The following RYR3 variants were observed in gnomAD, a reference collection of about 807,000 sequenced individuals.
RYR3 encodes the protein ryanodine receptor 3.
Under a neutral mutation model 584.3 loss-of-function variants are expected in RYR3, and 207 were observed. That is an observed-to-expected ratio of 0.35 (90% CI 0.32 to 0.40). The LOEUF is 0.40. RYR3 is among the 10% of genes least tolerant of loss of function. RYR3 has a pLI of 1.00. For missense variants in RYR3, 5,616 were observed against 6,089.2 expected (o/e 0.92, Z 2.59); for synonymous variants, 2,416 against 2,248.5 (o/e 1.07, Z -2.11).
chr15:33,732,763 A>T (rs1254490086), intron 48 of RYR3, among the ~76,000 whole-genome samples: 1 of 152,212 alleles, frequency 6.6e-6, no homozygotes, highest in Non-Finnish European at 1.5e-5. Flanking sequence ...ACTGTTAGGG[A>T]TGGGACCCAA....
At chr15:33,345,873 A>G (rs939277435) in intron 1 of RYR3, among the ~76,000 whole-genome samples, 1 of 152,218 alleles carries the variant, frequency 6.6e-6, no homozygotes, top group Non-Finnish European at 1.5e-5. Flanking sequence ...CACCCAGTAA[A>G]GCGGTTTGGC....
chr15:33,503,512 C>A, intron 2 of RYR3, 119 bp from the exon 3 acceptor site: 1 of 630,980 alleles, frequency 1.6e-6, no homozygotes. Flanking sequence ...TTTTTGCATT[C>A]CTATTCATCC....
chr15:33,438,142 T>G (rs2045897187), intron 1 of RYR3, among the ~76,000 whole-genome samples: 2 of 152,180 alleles, frequency 1.3e-5, no homozygotes, highest in Admixed American at 6.5e-5. Context: ...AGTCATTACC[T>G]CACATACTTT....
chr15:33,425,793 C>T lies in RYR3; in HGVS notation c.52-47626C>T, dbSNP rs559188290. The stretch of plus-strand genomic sequence containing the variant: ...AGTAGCTGGGACTACAGGCGCCCGC[C>T]ACCACACCCGGCTAATTTTTTTGTA... On this transcript the variant is annotated intron_variant, in intron 1 of 103. Coordinates refer to ENST00000634891, the MANE Select transcript of RYR3 (RefSeq NM_001036.6). Among the ~76,000 whole-genome samples the T allele has an allele frequency of 2.6e-5, 4 of 152,068 alleles. No individual in the cohort carries two copies. In the East Asian group the frequency reaches 7.8e-4, roughly 30 times the overall value.
At chr15:33,609,955 T>C (rs1158705748) in intron 18 of RYR3, among the ~76,000 whole-genome samples, 2 of 152,170 alleles carry the variant, frequency 1.3e-5, no homozygotes, top group African/African-American at 4.8e-5. Context: ...TCTTTTTAAA[T>C]AATTTTACCT....
At chr15:33,618,955 G>A (rs2060585496) in intron 19 of RYR3, among the ~76,000 whole-genome samples, 1 of 152,186 alleles carries the variant, frequency 6.6e-6, no homozygotes, top group South Asian at 2.1e-4. Context: ...AGACGAAGTT[G>A]AAAATGCTGG....
rs150305558 is a variant in RYR3, at chr15:33,806,298, G to A, written c.10012-1257G>A. Among the ~76,000 whole-genome samples, 73 of 152,274 alleles carry A rather than the reference G, an allele frequency of 4.8e-4. 1 individual carries two copies. The East Asian group carries it at 0.011, about 23-fold the overall frequency. On this transcript the variant is annotated intron_variant, in intron 69 of 103. Transcript: ENST00000634891. ...CATTATAAGATAACCACTGGTGATA[G>A]TTTATGATGTAAGCGTGGGGAGATG...
intron 65 of RYR3, among the ~76,000 whole-genome samples, chr15:33,783,674 C>G (rs549575296): frequency 3.9e-5 from 6 of 152,220 alleles, no homozygotes; most frequent in Admixed American, 2.0e-4. Flanking sequence ...TCAGTTGCGT[C>G]TATGGCAGTG....
chr15:33,534,844 G>T (rs1000554645), intron 5 of RYR3, among the ~76,000 whole-genome samples: 1 of 152,190 alleles, frequency 6.6e-6, no homozygotes, highest in Non-Finnish European at 1.5e-5. Flanking sequence ...AAATATTCAT[G>T]AACAATCTGA....
chr15:33,336,892 A>G (rs1971162559), intron 1 of RYR3, among the ~76,000 whole-genome samples: 1 of 151,558 alleles, frequency 6.6e-6, no homozygotes, highest in African/African-American at 2.4e-5. Context: ...CGTCTCTACT[A>G]AAAATACAAA....
At chr15:33,788,146 T>C in intron 66 of RYR3, 72 bp from the exon 67 acceptor site, 1 of 1,593,206 alleles carries the variant, frequency 6.3e-7, no homozygotes, top group African/African-American at 1.3e-5. Flanking sequence ...GGCCTCACCT[T>C]TCAGTCATGT....
At chr15:33,457,513 T>C (rs1360051141) in intron 1 of RYR3, among the ~76,000 whole-genome samples, 2 of 152,170 alleles carry the variant, frequency 1.3e-5, no homozygotes, top group East Asian at 1.9e-4. Flanking sequence ...ATCACACATA[T>C]GTGAAATCTA....
chr15:33,314,929 C>CAA (rs201699049), intron 1 of RYR3, among the ~76,000 whole-genome samples: 162 of 97,606 alleles, frequency 1.7e-3, no homozygotes, highest in East Asian at 9.5e-3. Context: ...AAACAAACAA[C>CAA]AAAAAAAAAA....
chr15:33,315,193 C>T (rs894058887), intron 1 of RYR3, among the ~76,000 whole-genome samples: 1 of 152,138 alleles, frequency 6.6e-6, no homozygotes, highest in South Asian at 2.1e-4. Context: ...TGAGCTGCAG[C>T]GCTCACGTGA....
chr15:33,375,106 T>C (rs1239098573), intron 1 of RYR3, among the ~76,000 whole-genome samples: 1 of 152,222 alleles, frequency 6.6e-6, no homozygotes, highest in Non-Finnish European at 1.5e-5. Context: ...CCTGAGTTTT[T>C]AAATTATTGC....
Position 33,865,272 on chromosome 15 carries a change from T to C in RYR3, c.*46T>C. On this transcript the variant is annotated 3_prime_UTR_variant, in exon 104 of 104. Coordinates refer to ENST00000634891, the MANE Select transcript of RYR3 (RefSeq NM_001036.6). Reference sequence around the variant, plus strand: ...ACAATTCTGGACAGTCAACTTCCCATGAAATAAAGTCCCCTTTTTACAGTT... The same window carrying C: ...ACAATTCTGGACAGTCAACTTCCCACGAAATAAAGTCCCCTTTTTACAGTT... 1 of 1,351,390 alleles carries C rather than the reference T, an allele frequency of 7.4e-7. No homozygotes were observed. Among genetic ancestry groups the C allele is most frequent in the Non-Finnish European group, 1.1e-6 (1 of 949,666 alleles). 83.7% of individuals were successfully genotyped at this position (1,351,390 alleles called of 1,614,324 possible).
intron 1 of RYR3, among the ~76,000 whole-genome samples, chr15:33,386,282 A>C (rs908468207): frequency 6.6e-6 from 1 of 152,192 alleles, no homozygotes; most frequent in Admixed American, 6.5e-5. Flanking sequence ...TTGGCGTTTC[A>C]TTCCTTGCTG....
chr15:33,724,321 T>C (rs1468352833), intron 45 of RYR3, 145 bp downstream of exon 45: 2 of 605,384 alleles, frequency 3.3e-6, no homozygotes, highest in Non-Finnish European at 5.9e-6. Context: ...TCAAAAGTAG[T>C]TTCCACCTCT....
chr15:33,452,771 C>A (rs1325791039), intron 1 of RYR3, among the ~76,000 whole-genome samples: 1 of 152,120 alleles, frequency 6.6e-6, no homozygotes, highest in Admixed American at 6.5e-5. Context: ...CCCAAACAGT[C>A]TGATTTCAGA....
Sources: gnomAD v4.1 joint callset for allele counts (sites outside exome capture counted in the v4.1 genomes callset) on GRCh38, gnomAD v4.1.1 for gene constraint, MANE v1.5 for transcripts, NCBI Gene and HGNC (gene_info 2026-07-23, HGNC 2026-07-21) for gene names.